TMX1: variants seen among roughly 807,000 people sequenced by gnomAD.
The protein encoded by TMX1 is thioredoxin-related transmembrane protein 1.
TMX1 carries 25 observed loss-of-function variants against 36.6 expected under a neutral mutation model. That is an observed-to-expected ratio of 0.68 (90% CI 0.50 to 0.95). The LOEUF is 0.95. Among genes scored for constraint, TMX1 ranks in the 40% least tolerant of loss-of-function variants. The pLI is 0.00. For synonymous variants in TMX1, 133 were observed against 118.0 expected (o/e 1.13, Z -0.82); for missense variants, 347 against 339.6 (o/e 1.02, Z -0.17).
chr14:51,251,136 T>C (rs1261391899), intron 7 of TMX1, among the ~76,000 whole-genome samples: 2 of 152,222 alleles, frequency 1.3e-5, no homozygotes, highest in African/African-American at 2.4e-5. Flanking sequence ...AAGATAGATA[T>C]ATAAAAGTAG....
intron 1 of TMX1, among the ~76,000 whole-genome samples, chr14:51,241,438 G>A (rs2065760897): frequency 6.6e-6 from 1 of 152,108 alleles, no homozygotes; most frequent in African/African-American, 2.4e-5. Flanking sequence ...TCTATGACAG[G>A]TGTTTTTCAC....
rs1162593975 is a variant in TMX1, at chr14:51,249,519, T to C, written c.541T>C (p.Tyr181His). The C allele has an allele frequency of 1.9e-6, 3 of 1,613,932 alleles. No homozygotes were observed. The highest frequency in any genetic ancestry group is 1.3e-5 in the African/African-American group (1 of 75,036). The change falls in exon 6 of 8, where the codon TAT (tyrosine) becomes CAT (histidine). Residue 181 changes from tyrosine (Y) to histidine (H), a missense_variant. Tyr to His is a moderately conservative substitution (Grantham distance 83). Transcript: ENST00000457354. ...CCTTGGATTGCCAGTGTGGGGATCATATACTGTTTTTGCTTTAGCAACTCT... is the reference window on the plus strand; with the variant it reads ...CCTTGGATTGCCAGTGTGGGGATCACATACTGTTTTTGCTTTAGCAACTCT... The part of the protein sequence containing the change: ...EDLGLPVWGS[Y>H]TVFALATLFS...
intron 6 of TMX1, 23 bp downstream of exon 6, chr14:51,249,592 G>A (rs2139856141): frequency 1.9e-6 from 3 of 1,604,060 alleles, no homozygotes; most frequent in East Asian, 2.2e-5. Flanking sequence ...TTTTTGGAGT[G>A]CTAGGAAGAA....
At chr14:51,249,110 GTATTTT>G (rs1356777538) in intron 4 of TMX1, among the ~76,000 whole-genome samples, 1 of 152,126 alleles carries the variant, frequency 6.6e-6, no homozygotes, top group African/African-American at 2.4e-5. Flanking sequence ...ATACTGTCAA[GTATTTT>G]TATTTATGAG....
intron 2 of TMX1, 123 bp downstream of exon 2, chr14:51,244,094 A>G: frequency 1.3e-6 from 1 of 778,636 alleles, no homozygotes; most frequent in Non-Finnish European, 1.9e-6. Flanking sequence ...AACAGTCTGC[A>G]GCTAGTTAAC....
At chr14:51,243,208 A>G (rs1008391772) in intron 1 of TMX1, among the ~76,000 whole-genome samples, 1 of 152,202 alleles carries the variant, frequency 6.6e-6, no homozygotes, top group Non-Finnish European at 1.5e-5. Context: ...AAATGCTAAT[A>G]TGCTTGCATT....
intron 7 of TMX1, 132 bp from the exon 8 acceptor site, chr14:51,254,209 C>T: frequency 1.6e-6 from 1 of 635,318 alleles, no homozygotes; most frequent in Non-Finnish European, 2.4e-6. Context: ...GAATAACTTT[C>T]CTTTTGGACA....
At chr14:51,241,343 A>G (rs946916899) in intron 1 of TMX1, among the ~76,000 whole-genome samples, 1 of 152,222 alleles carries the variant, frequency 6.6e-6, no homozygotes, top group African/African-American at 2.4e-5. Context: ...ATTTACTGAT[A>G]ATAGTAAAAG....
chr14:51,247,524 T>C (rs1434718837), intron 4 of TMX1, among the ~76,000 whole-genome samples: 1 of 151,878 alleles, frequency 6.6e-6, no homozygotes, highest in African/African-American at 2.4e-5. Context: ...ACGTGGCTAA[T>C]TTTTTTGTAT....
In TMX1 at chr14:51,240,435, T is replaced by C. The variant is rs2065754711; in HGVS notation, c.143T>C (p.Met48Thr). 1 of 1,613,664 alleles carries C rather than the reference T, an allele frequency of 6.2e-7. No homozygotes were observed. Among genetic ancestry groups the C allele is most frequent in the Non-Finnish European group, 8.5e-7 (1 of 1,179,810 alleles). The change falls in exon 1 of 8, where the codon ATG becomes ACG. Residue 48 changes from methionine (M) to threonine (T), a missense_variant. Coordinates refer to ENST00000457354, the MANE Select transcript of TMX1 (RefSeq NM_030755.5). ...AGAGAACTGCTGGAAGGAGACTGGATGATAGAATTGTGAGTGCGGGGCGGC... is the reference window on the plus strand; with the variant it reads ...AGAGAACTGCTGGAAGGAGACTGGACGATAGAATTGTGAGTGCGGGGCGGC... ...NWRELLEGDWMIEFYAPWCPA... is the reference protein window; with the variant it reads ...NWRELLEGDWTIEFYAPWCPA...
At position 51,255,390 on chromosome 14, in the gene TMX1, ATTGTTT is replaced by A; in HGVS notation, c.*874_*879del. ...CATTCTTGCTGAACTTCAACTTGAA[ATTGTTT>A]TTTTTTTTTTTTCTTTTTGGATGTG... On this transcript the variant is annotated 3_prime_UTR_variant, in exon 8 of 8. Coordinates refer to ENST00000457354, the MANE Select transcript of TMX1 (RefSeq NM_030755.5). 8.8e-6 allele frequency: 1 copy of A among 113,590 alleles called. No individual in the cohort carries two copies. The highest frequency in any genetic ancestry group is 2.1e-5 in the Non-Finnish European group (1 of 48,662). The allele number at this position is 113,590 out of a possible 1,614,324, so 7.0% of individuals were successfully genotyped here. A position where few individuals can be genotyped will look rare whatever the true frequency, so the allele number is the denominator to read the frequency against.
rs781632744 is a variant in TMX1 at position 51,254,499 on chromosome 14, T to C, written c.823T>C (p.Leu275=). ...AAGACAACGCTCTCTGGGTCCATCA[T>C]TGGCCACAGATAAATCCTAGTTAAA... ...AIRQRSLGPS[L]ATDKS is the part of the protein sequence containing the mutation. Residue 275 remains leucine (L), a synonymous_variant, in exon 8 of 8, where the codon TTG becomes CTG. Transcript: ENST00000457354. The C allele has an allele frequency of 6.2e-6, 10 of 1,600,174 alleles. No individual in the cohort carries two copies. The East Asian group carries it at 6.7e-5, about 11-fold the overall frequency.
intron 3 of TMX1, among the ~76,000 whole-genome samples, chr14:51,246,535 T>C (rs1316469482): frequency 2.0e-5 from 3 of 151,986 alleles, no homozygotes; most frequent in African/African-American, 4.8e-5. Context: ...ACTTTCTACA[T>C]TGGGAATGGG....
In TMX1 at chr14:51,249,453, T is replaced by C. The variant is rs761913242; in HGVS notation, c.490-15T>C. 1.9e-5 allele frequency: 30 copies of C among 1,587,678 alleles called. No homozygotes were observed. The East Asian group carries it at 6.5e-4, about 34-fold the overall frequency. ...ATGAACAGATTTTTAGTTTTTTTTT[T>C]TCTTTTGATTTTAGACTTGCCATAA... On this transcript the variant is annotated splice_polypyrimidine_tract_variant and intron_variant, in intron 5 of 7. Transcript: ENST00000457354.
chr14:51,247,115 G>A lies in TMX1; in HGVS notation c.338G>A (p.Arg113His), dbSNP rs574991343. The part of the protein sequence containing the change: ...IYHCKDGEFR[R>H]YQGPRTKKDF... ...AGTTGTAAAGATGGTGAATTTAGGC[G>A]CTATCAGGGTCCAAGGACTAAGAAG... The change falls in exon 4 of 8, where the codon CGC (arginine) becomes CAC (histidine). Residue 113 changes from arginine (R) to histidine (H), a missense_variant. Physicochemically the swap from Arg to His is conservative, Grantham distance 29. Transcript: ENST00000457354. 1.1e-5 allele frequency: 18 copies of A among 1,610,598 alleles called. No individual in the cohort carries two copies. The highest frequency in any genetic ancestry group is 1.4e-5 in the Non-Finnish European group (16 of 1,178,844).
intron 4 of TMX1, among the ~76,000 whole-genome samples, chr14:51,247,474 A>G (rs527423542): frequency 1.4e-5 from 2 of 147,848 alleles, no homozygotes; most frequent in African/African-American, 5.0e-5. Flanking sequence ...CTCCTGCCTC[A>G]GCCTCCCGAG....
intron 4 of TMX1, 42 bp from the exon 5 acceptor site, chr14:51,249,284 G>T (rs1476214161): frequency 1.3e-6 from 2 of 1,510,374 alleles, no homozygotes; most frequent in South Asian, 1.2e-5. Context: ...AGACAAATCT[G>T]TGTATGTTAC....
intron 3 of TMX1, 61 bp downstream of exon 3, chr14:51,245,419 T>C: frequency 6.2e-7 from 1 of 1,602,744 alleles, no homozygotes; most frequent in East Asian, 2.2e-5. Context: ...TCAGAAGTAG[T>C]AGGCCTCTGG....
At position 51,247,540 on chromosome 14, in the gene TMX1, G is replaced by A. The variant is rs151168033; in HGVS notation, c.443+320G>A. Reference sequence around the variant, plus strand: ...CGTGGCTAATTTTTTTGTATTTTTAGTAGAGACGGGGTTTCACTGTGTTAG... The same window carrying A: ...CGTGGCTAATTTTTTTGTATTTTTAATAGAGACGGGGTTTCACTGTGTTAG... On this transcript the variant is annotated intron_variant, in intron 4 of 7. Coordinates refer to ENST00000457354, the MANE Select transcript of TMX1 (RefSeq NM_030755.5). Among the ~76,000 whole-genome samples the A allele has an allele frequency of 2.6e-5, 4 of 151,868 alleles. No individual in the cohort carries two copies. In the South Asian group the frequency reaches 8.3e-4, roughly 31 times the overall value.
Sources: allele counts gnomAD v4.1 joint callset (sites outside exome capture counted in the v4.1 genomes callset), GRCh38; gene constraint gnomAD v4.1.1; transcripts MANE v1.5; gene names NCBI Gene and HGNC (gene_info 2026-07-23, HGNC 2026-07-21).